PRDM11: variants seen among roughly 807,000 people sequenced by gnomAD.
The protein encoded by PRDM11 is PR/SET domain 11, also known as PR domain-containing protein 11.
Under a neutral mutation model 97.8 loss-of-function variants are expected in PRDM11, and 20 were observed. The ratio of observed to expected loss-of-function variants is 0.20; its 90% confidence interval spans 0.14 to 0.30. The LOEUF (loss-of-function observed/expected upper bound fraction) is 0.30. Ranked by LOEUF, PRDM11 falls within the 10% of genes least tolerant of loss-of-function variation. PRDM11 has a pLI of 1.00. For missense variants in PRDM11, 1,139 were observed against 1,555.2 expected, an observed-to-expected ratio of 0.73 and a Z score of 4.50; for synonymous variants, 599 against 637.7, an observed-to-expected ratio of 0.94 and a Z score of 0.91.
At chr11:45,151,427 G>A (rs1451130125) in intron 1 of PRDM11, among the ~76,000 whole-genome samples, 2 of 152,266 alleles carry the variant, frequency 1.3e-5, no homozygotes, top group Non-Finnish European at 2.9e-5. Flanking sequence ...TTCACTTAAT[G>A]CAGCCACATT....
intron 1 of PRDM11, among the ~76,000 whole-genome samples, chr11:45,105,257 A>C (rs1852041647): frequency 6.6e-6 from 1 of 152,224 alleles, no homozygotes; most frequent in South Asian, 2.1e-4. Flanking sequence ...CCACCTCCTA[A>C]TACCATCACA....
At chr11:45,159,264 T>G (rs1283784657) in intron 1 of PRDM11, among the ~76,000 whole-genome samples, 1 of 152,230 alleles carries the variant, frequency 6.6e-6, no homozygotes, top group Non-Finnish European at 1.5e-5. Flanking sequence ...TGCTGCCTCC[T>G]GGGCCCAGCA....
Position 45,192,650 on chromosome 11 carries a change from A to C in PRDM11, c.486+9527A>C, listed in dbSNP as rs573321497. ...ATTTCTTGGCTTTCCAGTCCATTCT[A>C]CTGTAGCTGTGTTTCTCACACCTGA... On this transcript the variant is annotated intron_variant, in intron 4 of 7. Coordinates refer to ENST00000683152, the MANE Select transcript of PRDM11 (RefSeq NM_001384648.1). 3.3e-5 allele frequency among the ~76,000 whole-genome samples: 5 copies of C among 152,252 alleles called. No homozygotes were observed. The South Asian group carries it at 1.0e-3, about 32-fold the overall frequency.
In PRDM11 at chr11:45,227,444, G is replaced by A; in HGVS notation, c.2819G>A (p.Ser940Asn). 1 of 1,533,866 alleles carries A rather than the reference G, an allele frequency of 6.5e-7. No homozygotes were observed. Among genetic ancestry groups the A allele is most frequent in the Non-Finnish European group, 8.7e-7 (1 of 1,146,742 alleles). ...GAGTTCGAGGAGAATTTCCGAGAGA[G>A]CTTCAACGGGATCGCCATGAAGAAC... ...LQEFEENFRE[S>N]FNGIAMKNLR... The change falls in exon 8 of 8, where the codon AGC (serine) becomes AAC (asparagine). Residue 940 changes from serine (S) to asparagine (N), a missense_variant. Around this residue, in one of 2 missense-constraint regions of PRDM11, gnomAD observed 710 missense variants for 1,044.9 expected, o/e 0.68. Coordinates refer to ENST00000683152, the MANE Select transcript of PRDM11 (RefSeq NM_001384648.1). The surrounding 1 kb of genome is among the most constrained non-coding windows in gnomAD (Gnocchi z 8.0).
intron 1 of PRDM11, among the ~76,000 whole-genome samples, chr11:45,176,692 TTCA>T (rs1458095261): frequency 6.6e-6 from 1 of 152,228 alleles, no homozygotes; most frequent in Non-Finnish European, 1.5e-5. Flanking sequence ...ATCTTTTGTG[TTCA>T]TCACAAAAGT....
intron 1 of PRDM11, among the ~76,000 whole-genome samples, chr11:45,140,924 CCAT>C (rs1851390401): frequency 6.6e-6 from 1 of 152,174 alleles, no homozygotes; most frequent in Non-Finnish European, 1.5e-5. Context: ...GCTGGAGAAA[CCAT>C]CAATTCCAAT....
At position 45,204,729 on chromosome 11, in the gene PRDM11, C is replaced by T. The variant is rs1165284153; in HGVS notation, c.505C>T (p.Arg169Cys). 1.7e-5 allele frequency: 27 copies of T among 1,612,476 alleles called. No individual in the cohort carries two copies. The highest frequency in any genetic ancestry group is 6.7e-5 in the East Asian group (3 of 44,866). ...FSWLIVDKNN[R>C]YKSIDGSDET... Reference sequence around the variant, plus strand: ...CTTCCAGATTGTGGACAAGAACAACCGCTATAAGTCCATAGATGGCTCAGA... The same window carrying T: ...CTTCCAGATTGTGGACAAGAACAACTGCTATAAGTCCATAGATGGCTCAGA... The change falls in exon 5 of 8, where the codon CGC (arginine) becomes TGC (cysteine). Residue 169 changes from arginine (R) to cysteine (C), a missense_variant. Around this residue, in one of 2 missense-constraint regions of PRDM11, gnomAD observed 429 missense variants for 510.3 expected, o/e 0.84. Transcript: ENST00000683152.
At chr11:45,130,263 C>G (rs1052814634) in intron 1 of PRDM11, among the ~76,000 whole-genome samples, 3 of 151,952 alleles carry the variant, frequency 2.0e-5, no homozygotes, top group Admixed American at 6.6e-5. Flanking sequence ...TAAAATAGGC[C>G]TCATTAAAAT....
chr11:45,195,417 A>G (rs529191519), intron 4 of PRDM11, among the ~76,000 whole-genome samples: 2 of 151,504 alleles, frequency 1.3e-5, no homozygotes, highest in African/African-American at 4.8e-5. Context: ...CCACTAATCT[A>G]CTTTCTGACC....
At chr11:45,200,019 A>G (rs933789955) in intron 4 of PRDM11, among the ~76,000 whole-genome samples, 1 of 152,154 alleles carries the variant, frequency 6.6e-6, no homozygotes, top group Non-Finnish European at 1.5e-5. Context: ...GCGTCCCGCT[A>G]GGCTGTGAGC....
intron 1 of PRDM11, among the ~76,000 whole-genome samples, chr11:45,118,364 G>A (rs1330264673): frequency 6.6e-6 from 1 of 152,190 alleles, no homozygotes; most frequent in Non-Finnish European, 1.5e-5. Context: ...GGAGAAATTG[G>A]TTAGGGGTGC....
chr11:45,116,033 T>TGA (rs1852295893), intron 1 of PRDM11, among the ~76,000 whole-genome samples: 1 of 151,652 alleles, frequency 6.6e-6, no homozygotes, highest in East Asian at 1.9e-4. Context: ...TGAAGAACAC[T>TGA]TTATCAGAAA....
At chr11:45,220,021 C>T (rs571021039) in intron 6 of PRDM11, among the ~76,000 whole-genome samples, 3 of 152,122 alleles carry the variant, frequency 2.0e-5, no homozygotes, top group Non-Finnish European at 2.9e-5. Context: ...CCCCCAAAAC[C>T]GAGCAAATAT....
rs1322477889 is a variant in PRDM11, at chr11:45,232,555, G to C, written c.*4396G>C. 2 of 152,462 alleles carry C rather than the reference G, an allele frequency of 1.3e-5. No individual in the cohort carries two copies. The highest frequency in any genetic ancestry group is 4.8e-5 in the African/African-American group (2 of 41,602). 9.4% of individuals were successfully genotyped at this position (152,462 alleles called of 1,614,324 possible). A position where few individuals can be genotyped will look rare whatever the true frequency, so the allele number is the denominator to read the frequency against. On this transcript the variant is annotated 3_prime_UTR_variant, in exon 8 of 8. Transcript: ENST00000683152. ...AGGCTGAAACAGCTGAAACAGGCAG[G>C]CCAGTCCTCCTCAGACAAGAAAGGG...
At chr11:45,204,626 G>A (rs550033715) in intron 4 of PRDM11, 85 bp from the exon 5 acceptor site, 3 of 1,277,650 alleles carry the variant, frequency 2.3e-6, no homozygotes, top group African/African-American at 2.9e-5. Flanking sequence ...GTGGGACCAG[G>A]CCCTGGGCCC....
chr11:45,213,882 G>C (rs3781704), intron 5 of PRDM11: 240,462 of 379,396 alleles, frequency 0.63, 80,384 homozygotes, highest in Non-Finnish European at 0.73. Context: ...GGGAAGAGGA[G>C]GCAGGGGGCA....
chr11:45,119,139 T>A (rs927566927), intron 1 of PRDM11, among the ~76,000 whole-genome samples: 1 of 152,192 alleles, frequency 6.6e-6, no homozygotes, highest in Non-Finnish European at 1.5e-5. Context: ...TGATCTATAA[T>A]GACAAAGGAG....
In PRDM11 at chr11:45,226,620, G is replaced by A; in HGVS notation, c.1995G>A (p.Gln665=). ...GCCTCAGCGTCATCCTGGATGGGCAGAGCGACGACCTGCTGGCCGACACGG... is the reference window on the plus strand; with the variant it reads ...GCCTCAGCGTCATCCTGGATGGGCAAAGCGACGACCTGCTGGCCGACACGG... The part of the protein sequence containing the change: ...SPCLSVILDG[Q]SDDLLADTVA... Residue 665 remains glutamine (Q), a synonymous_variant, in exon 8 of 8, where the codon CAG becomes CAA. Transcript: ENST00000683152. 6.5e-7 allele frequency: 1 copy of A among 1,534,000 alleles called. No homozygotes were observed. The highest frequency in any genetic ancestry group is 8.7e-7 in the Non-Finnish European group (1 of 1,146,744).
At chr11:45,145,200 A>G (rs1458307585), upstream of PRDM11, among the ~76,000 whole-genome samples, 1 of 152,188 alleles carries the variant, frequency 6.6e-6, no homozygotes, top group Non-Finnish European at 1.5e-5. Context: ...ACCACTTTGC[A>G]GATGTGGGAA....
Sources: gnomAD v4.1 joint callset for allele counts (sites outside exome capture counted in the v4.1 genomes callset) on GRCh38, gnomAD v4.1.1 for gene constraint, gnomAD v4.1.1 regional missense constraint, Gnocchi (gnomAD v3.1) non-coding constraint, MANE v1.5 for transcripts, NCBI Gene and HGNC (gene_info 2026-07-23, HGNC 2026-07-21) for gene names.